The following EPHA6 variants were observed in gnomAD, a reference collection of about 807,000 sequenced individuals.
The protein encoded by EPHA6 is ephrin type-A receptor 6.
A neutral mutation model predicts 112.0 loss-of-function variants in EPHA6; 50 were observed. The observed-to-expected ratio is 0.45, with a 90% confidence interval of 0.36 to 0.56. EPHA6 has a LOEUF of 0.56. EPHA6 is among the 20% of genes least tolerant of loss of function. The pLI is 0.00. For synonymous variants in EPHA6, 529 were observed against 490.7 expected, an observed-to-expected ratio of 1.08 and a Z score of -1.03; for missense variants, 1,280 against 1,417.4, an observed-to-expected ratio of 0.90 and a Z score of 1.56.
intron 14 of EPHA6, among the ~76,000 whole-genome samples, chr3:97,657,632 C>T (rs2094144923): frequency 6.6e-6 from 1 of 151,588 alleles, no homozygotes; most frequent in African/African-American, 2.4e-5. Flanking sequence ...TAAAACTGAC[C>T]ACTCTATTTT....
At chr3:97,703,733 T>A (rs191553721) in intron 14 of EPHA6, among the ~76,000 whole-genome samples, 64 of 152,324 alleles carry the variant, frequency 4.2e-4, no homozygotes, top group Admixed American at 1.4e-3. Flanking sequence ...TGTTTTTGAT[T>A]CCTTGAATTG....
chr3:97,288,703 G>T (rs1164335278), intron 5 of EPHA6, among the ~76,000 whole-genome samples: 1 of 152,048 alleles, frequency 6.6e-6, no homozygotes. Context: ...GAGTGTATAA[G>T]CATTTCCTGT....
intron 14 of EPHA6, among the ~76,000 whole-genome samples, chr3:97,711,748 A>C (rs2033979195): frequency 1.3e-5 from 2 of 152,166 alleles, no homozygotes; most frequent in Non-Finnish European, 2.9e-5. Context: ...TTCTGTACTT[A>C]ATCTACTGAT....
chr3:97,468,030 C>T (rs2091111851), intron 7 of EPHA6, among the ~76,000 whole-genome samples: 1 of 151,360 alleles, frequency 6.6e-6, no homozygotes, highest in African/African-American at 2.4e-5. Flanking sequence ...AAGAGTGAAT[C>T]TCAAAATCTC....
intron 2 of EPHA6, among the ~76,000 whole-genome samples, chr3:96,905,532 C>A (rs1414106286): frequency 6.6e-6 from 1 of 151,772 alleles, no homozygotes; most frequent in Non-Finnish European, 1.5e-5. Flanking sequence ...TGAAATTAAG[C>A]TAAAATTATA....
At chr3:97,019,581 A>C (rs2044381518) in intron 3 of EPHA6, among the ~76,000 whole-genome samples, 1 of 152,008 alleles carries the variant, frequency 6.6e-6, no homozygotes, top group East Asian at 1.9e-4. Context: ...CTTTATGCAT[A>C]AGTTGGAGCA....
chr3:97,054,739 C>A (rs1443970215), intron 3 of EPHA6, among the ~76,000 whole-genome samples: 2 of 151,740 alleles, frequency 1.3e-5, no homozygotes, highest in Non-Finnish European at 2.9e-5. Flanking sequence ...AAATGAAATC[C>A]TTTTCTAATT....
chr3:97,045,258 C>T (rs1443294418), intron 3 of EPHA6, among the ~76,000 whole-genome samples: 1 of 151,818 alleles, frequency 6.6e-6, no homozygotes, highest in East Asian at 1.9e-4. Flanking sequence ...AAGAAAATAT[C>T]TGATACTGGT....
intron 6 of EPHA6, among the ~76,000 whole-genome samples, chr3:97,446,877 T>G (rs2090364747): frequency 6.6e-6 from 1 of 152,182 alleles, no homozygotes; most frequent in Non-Finnish European, 1.5e-5. Context: ...CGATGATTTA[T>G]AGACTTTATT....
At chr3:97,096,854 C>CA (rs1297326188) in intron 3 of EPHA6, among the ~76,000 whole-genome samples, 1 of 151,676 alleles carries the variant, frequency 6.6e-6, no homozygotes, top group Non-Finnish European at 1.5e-5. Context: ...CTATGGACAG[C>CA]AAAAGACATA....
intron 5 of EPHA6, among the ~76,000 whole-genome samples, chr3:97,261,583 C>T (rs1166037497): frequency 1.3e-5 from 2 of 152,146 alleles, no homozygotes; most frequent in Non-Finnish European, 2.9e-5. Context: ...TGTCTTTAGA[C>T]ATTTATAGGA....
chr3:97,589,279 A>G (rs2093521123), intron 11 of EPHA6, among the ~76,000 whole-genome samples: 1 of 151,466 alleles, frequency 6.6e-6, no homozygotes, highest in Non-Finnish European at 1.5e-5. Context: ...ACCCCTTGTT[A>G]CGGATTAAAT....
At chr3:96,908,190 TTATACTAGTA>T (rs1310789551) in intron 2 of EPHA6, among the ~76,000 whole-genome samples, 1 of 152,000 alleles carries the variant, frequency 6.6e-6, no homozygotes, top group Non-Finnish European at 1.5e-5. Context: ...GGAAGCTCCT[TTATACTAGTA>T]TGGGACCACC....
intron 6 of EPHA6, among the ~76,000 whole-genome samples, chr3:97,415,163 GA>G (rs894865392): frequency 6.6e-5 from 10 of 150,630 alleles, no homozygotes; most frequent in South Asian, 4.2e-4. Context: ...AAAAATTACA[GA>G]AAAAAAAAGA....
chr3:97,640,618 A>G (rs559729486), intron 14 of EPHA6, among the ~76,000 whole-genome samples: 53 of 147,044 alleles, frequency 3.6e-4, no homozygotes, highest in South Asian at 1.3e-3. Context: ...TAAAAATACA[A>G]AAAAAAAAAA....
intron 3 of EPHA6, among the ~76,000 whole-genome samples, chr3:97,094,030 A>T (rs887351371): frequency 6.6e-6 from 1 of 152,094 alleles, no homozygotes; most frequent in African/African-American, 2.4e-5. Flanking sequence ...TGGCCAGATG[A>T]TCCTCCATGC....
At chr3:96,950,575 G>A (rs1299743653) in intron 2 of EPHA6, among the ~76,000 whole-genome samples, 1 of 152,056 alleles carries the variant, frequency 6.6e-6, no homozygotes, top group East Asian at 1.9e-4. Flanking sequence ...ATTAAGCAAT[G>A]GAAGTTGAAG....
chr3:97,052,154 C>T (rs1287886361), intron 3 of EPHA6, among the ~76,000 whole-genome samples: 1 of 152,006 alleles, frequency 6.6e-6, no homozygotes, highest in Admixed American at 6.6e-5. Context: ...GGATTTGAAC[C>T]CAAGCATTCT....
At chr3:97,643,633 G>C (rs1171067405) in intron 14 of EPHA6, among the ~76,000 whole-genome samples, 1 of 151,494 alleles carries the variant, frequency 6.6e-6, no homozygotes, top group Non-Finnish European at 1.5e-5. Flanking sequence ...AAAAGCAGGC[G>C]TTGCAATCCT....
Sources: gnomAD v4.1 joint callset for allele counts (sites outside exome capture counted in the v4.1 genomes callset) on GRCh38, gnomAD v4.1.1 for gene constraint, MANE v1.5 for transcripts, NCBI Gene and HGNC (gene_info 2026-07-23, HGNC 2026-07-21) for gene names.